Variants in SBF2 observed in about 807,000 individuals in gnomAD.
The protein encoded by SBF2 is SET binding factor 2.
In SBF2, 112 loss-of-function variants were observed where a neutral mutation model predicts 225.2. The ratio of observed to expected loss-of-function variants is 0.50; its 90% confidence interval spans 0.43 to 0.58. SBF2 has a LOEUF of 0.58. Among genes scored for constraint, SBF2 ranks in the 20% least tolerant of loss-of-function variants. The pLI, the probability that SBF2 is intolerant of heterozygous loss-of-function variation, is 0.00. For missense variants in SBF2, 1,996 were observed against 2,206.2 expected (o/e 0.90, Z 1.91); for synonymous variants, 763 against 773.3 (o/e 0.99, Z 0.22).
intron 13 of SBF2, among the ~76,000 whole-genome samples, chr11:9,984,299 G>C (rs1947096793): frequency 6.6e-6 from 1 of 152,246 alleles, no homozygotes; most frequent in Non-Finnish European, 1.5e-5. Context: ...GAAAGTCCCA[G>C]CAATAGAACT....
intron 16 of SBF2, among the ~76,000 whole-genome samples, chr11:9,928,351 TCC>T (rs1864218758): frequency 6.6e-6 from 1 of 152,182 alleles, no homozygotes; most frequent in African/African-American, 2.4e-5. Flanking sequence ...AATCAAGATG[TCC>T]AATATCATCA....
chr11:9,907,652 G>C (rs1206704096), intron 16 of SBF2, among the ~76,000 whole-genome samples: 1 of 152,118 alleles, frequency 6.6e-6, no homozygotes, highest in Non-Finnish European at 1.5e-5. Flanking sequence ...GTGAATGCTA[G>C]GCTTGACAAA....
At chr11:10,074,801 A>G (rs1951031876) in intron 2 of SBF2, among the ~76,000 whole-genome samples, 1 of 152,188 alleles carries the variant, frequency 6.6e-6, no homozygotes, top group Non-Finnish European at 1.5e-5. Flanking sequence ...CTGAAAAGAG[A>G]TTTCTTGCTT....
chr11:10,266,918 G>A (rs1474258462), intron 1 of SBF2, among the ~76,000 whole-genome samples: 3 of 152,092 alleles, frequency 2.0e-5, no homozygotes, highest in Non-Finnish European at 2.9e-5. Context: ...GTAAAACCCC[G>A]TCTCTACCGA....
chr11:9,894,617 GAGGCTGT>G (rs1237571244), intron 17 of SBF2, among the ~76,000 whole-genome samples: 1 of 152,090 alleles, frequency 6.6e-6, no homozygotes, highest in Non-Finnish European at 1.5e-5. Context: ...CCAGGAGGCA[GAGGCTGT>G]AGGGAGCTAA....
intron 28 of SBF2, among the ~76,000 whole-genome samples, chr11:9,825,179 A>C (rs1249595964): frequency 6.6e-6 from 1 of 152,184 alleles, no homozygotes. Context: ...CCCTAATTCA[A>C]TATGACTGGT....
intron 2 of SBF2, among the ~76,000 whole-genome samples, chr11:10,177,110 A>T (rs962525930): frequency 1.3e-5 from 2 of 151,896 alleles, no homozygotes; most frequent in African/African-American, 2.4e-5. Flanking sequence ...ATCTCAATAG[A>T]TGCACAAAAG....
chr11:10,214,288 C>A (rs1298472307), intron 1 of SBF2, among the ~76,000 whole-genome samples: 1 of 152,136 alleles, frequency 6.6e-6, no homozygotes, highest in African/African-American at 2.4e-5. Flanking sequence ...CAAAATCACC[C>A]CAGGTTGAGA....
At chr11:10,223,918 A>G (rs1032086307) in intron 1 of SBF2, among the ~76,000 whole-genome samples, 6 of 152,170 alleles carry the variant, frequency 3.9e-5, no homozygotes, top group Admixed American at 2.6e-4. Flanking sequence ...AATTATTAAC[A>G]ATACTACAGT....
intron 6 of SBF2, among the ~76,000 whole-genome samples, chr11:10,022,061 G>A (rs1351973960): frequency 2.0e-5 from 3 of 151,952 alleles, no homozygotes; most frequent in Non-Finnish European, 2.9e-5. Context: ...TATGTATTCC[G>A]GCACACTTCA....
chr11:10,277,389 T>C (rs1036566676), intron 1 of SBF2, among the ~76,000 whole-genome samples: 2 of 152,230 alleles, frequency 1.3e-5, no homozygotes, highest in Non-Finnish European at 2.9e-5. Context: ...GTGATTCCTA[T>C]TTCATATGTT....
At chr11:10,301,121 A>C (rs192627360) in intron 1 of SBF2, among the ~76,000 whole-genome samples, 2 of 152,294 alleles carry the variant, frequency 1.3e-5, no homozygotes, top group African/African-American at 4.8e-5. Flanking sequence ...ATGCTCTGGA[A>C]AATATTATGC....
At chr11:10,034,584 A>T (rs1949368544) in intron 3 of SBF2, among the ~76,000 whole-genome samples, 1 of 152,202 alleles carries the variant, frequency 6.6e-6, no homozygotes, top group African/African-American at 2.4e-5. Flanking sequence ...TGCATCCAAC[A>T]TCTTCTCTGT....
chr11:9,919,147 G>A (rs1019048252), intron 16 of SBF2, among the ~76,000 whole-genome samples: 1 of 152,010 alleles, frequency 6.6e-6, no homozygotes, highest in Non-Finnish European at 1.5e-5. Context: ...TCTTCAGTTC[G>A]TAATTCCTAG....
intron 22 of SBF2, 80 bp downstream of exon 22, chr11:9,849,943 G>A: frequency 1.5e-6 from 2 of 1,332,012 alleles, no homozygotes; most frequent in Non-Finnish European, 2.2e-6. Context: ...AAAATGATCT[G>A]CAAATCACTG....
At chr11:10,034,193 C>T (rs1325629149) in intron 3 of SBF2, among the ~76,000 whole-genome samples, 5 of 152,166 alleles carry the variant, frequency 3.3e-5, no homozygotes, top group African/African-American at 9.7e-5. Flanking sequence ...ATATAATAAT[C>T]ACATGCCACA....
At chr11:10,265,232 C>T (rs893173029) in intron 1 of SBF2, among the ~76,000 whole-genome samples, 1 of 152,160 alleles carries the variant, frequency 6.6e-6, no homozygotes, top group African/African-American at 2.4e-5. Context: ...TCCGCATCCT[C>T]TCCAGCATTC....
intron 17 of SBF2, among the ~76,000 whole-genome samples, chr11:9,877,795 A>C (rs1367488724): frequency 6.6e-6 from 1 of 152,174 alleles, no homozygotes. Flanking sequence ...CCAACCTATC[A>C]TTGATGGACA....
intron 1 of SBF2, among the ~76,000 whole-genome samples, chr11:10,235,414 C>G (rs1959026617): frequency 6.6e-6 from 1 of 151,922 alleles, no homozygotes; most frequent in African/African-American, 2.4e-5. Context: ...GCAATCCTAG[C>G]TACTGAAGAG....
Sources: allele counts gnomAD v4.1 joint callset (sites outside exome capture counted in the v4.1 genomes callset), GRCh38; gene constraint gnomAD v4.1.1; transcripts MANE v1.5; gene names NCBI Gene and HGNC (gene_info 2026-07-23, HGNC 2026-07-21).